Variants in GPA33 observed in about 807,000 individuals in gnomAD.
GPA33 encodes glycoprotein A33.
A neutral mutation model predicts 35.6 loss-of-function variants in GPA33; 27 were observed. The ratio of observed to expected loss-of-function variants is 0.76; its 90% CI spans 0.56 to 1.04. GPA33 has a LOEUF of 1.04. GPA33 is among the 50% of genes least tolerant of loss of function. The pLI is 0.00. For missense variants in GPA33, 428 were observed against 411.9 expected (o/e 1.04, Z -0.34); for synonymous variants, 176 against 164.0 (o/e 1.07, Z -0.56).
At chr1:167,073,236 C>A (rs1666755764) in intron 2 of GPA33, 149 bp downstream of exon 2, 3 of 647,776 alleles carry the variant, frequency 4.6e-6, no homozygotes, top group Non-Finnish European at 8.1e-6. Flanking sequence ...ATGAGCCCAA[C>A]ATTCACTGCT....
rs376202132 is a variant in GPA33 at position 167,063,589 on chromosome 1, G to C, written c.564C>G (p.Ala188=). The C allele has an allele frequency of 1.2e-6, 2 of 1,606,248 alleles. No individual in the cohort carries two copies. The highest frequency in any genetic ancestry group is 3.4e-5 in the Admixed American group (2 of 59,520). The change falls in exon 4 of 7, where the codon GCC becomes GCG. Residue 188 remains alanine (A), a synonymous_variant. Coordinates refer to ENST00000367868, the MANE Select transcript of GPA33 (RefSeq NM_005814.3). Reference sequence around the variant, plus strand: ...TCCCTACTGCCCCCTTACCTGGCTGGGCCAGGGGCTGCTCCTGATTCAGGA... The same window carrying C: ...TCCCTACTGCCCCCTTACCTGGCTGCGCCAGGGGCTGCTCCTGATTCAGGA... ...YNILNQEQPL[A]QPASGQPVSL... is the part of the protein sequence containing the mutation.
chr1:167,060,700 A>G (rs1228916007), intron 4 of GPA33, among the ~76,000 whole-genome samples: 2 of 152,254 alleles, frequency 1.3e-5, no homozygotes, highest in Admixed American at 1.3e-4. Context: ...CTGTGGAGGC[A>G]GGAGAGAACT....
At chr1:167,067,307 T>TA (rs1666620284) in intron 3 of GPA33, among the ~76,000 whole-genome samples, 1 of 151,874 alleles carries the variant, frequency 6.6e-6, no homozygotes, top group African/African-American at 2.4e-5. Flanking sequence ...TTTATTTATT[T>TA]TGTAGAGAGG....
At chr1:167,066,253 G>A (rs1666590516) in intron 3 of GPA33, among the ~76,000 whole-genome samples, 1 of 152,152 alleles carries the variant, frequency 6.6e-6, no homozygotes, top group Non-Finnish European at 1.5e-5. Context: ...AAGACAAAAA[G>A]GGAAGAAAAG....
intron 4 of GPA33, among the ~76,000 whole-genome samples, chr1:167,061,298 C>A (rs778845251): frequency 6.6e-6 from 1 of 152,186 alleles, no homozygotes; most frequent in African/African-American, 2.4e-5. Flanking sequence ...CCACCTGTAA[C>A]CTTCAGCTTT....
intron 1 of GPA33, among the ~76,000 whole-genome samples, chr1:167,088,661 C>T (rs1016758358): frequency 8.5e-5 from 13 of 152,216 alleles, no homozygotes; most frequent in Admixed American, 2.0e-4. Flanking sequence ...TTCAGAGTTA[C>T]GGCCACTTTT....
At chr1:167,082,244 C>A (rs1666964480) in intron 1 of GPA33, 1 of 456,008 alleles carries the variant, frequency 2.2e-6, no homozygotes, top group Non-Finnish European at 4.4e-6. Context: ...ATAACAGTTA[C>A]CTGTGGATTC....
intron 4 of GPA33, among the ~76,000 whole-genome samples, chr1:167,056,860 T>TAA (rs1666312394): frequency 2.0e-5 from 1 of 50,942 alleles, no homozygotes; most frequent in Admixed American, 2.1e-4. Flanking sequence ...GTGTGTGGTG[T>TAA]GTGTGTGGTG....
intron 3 of GPA33, among the ~76,000 whole-genome samples, chr1:167,067,954 G>A (rs377069863): frequency 6.6e-6 from 1 of 152,060 alleles, no homozygotes. Context: ...TAGGGGGTAG[G>A]GTGGAAGGAG....
intron 1 of GPA33, among the ~76,000 whole-genome samples, chr1:167,078,050 A>G (rs977090470): frequency 6.6e-6 from 1 of 152,194 alleles, no homozygotes; most frequent in African/African-American, 2.4e-5. Context: ...ACAGTCAGGG[A>G]AAAGTGCTAA....
intron 3 of GPA33, among the ~76,000 whole-genome samples, chr1:167,064,903 G>C (rs957856719): frequency 2.6e-5 from 4 of 152,178 alleles, no homozygotes; most frequent in African/African-American, 7.2e-5. Flanking sequence ...GGACTGAGGG[G>C]ACTCGAGCAG....
chr1:167,069,476 C>T (rs1666673088), intron 2 of GPA33, among the ~76,000 whole-genome samples: 1 of 152,236 alleles, frequency 6.6e-6, no homozygotes, highest in Non-Finnish European at 1.5e-5. Flanking sequence ...TCTCCATAGC[C>T]TATCCTCACT....
chr1:167,073,586 A>G (rs768861629), intron 1 of GPA33, 47 bp from the exon 2 acceptor site: 75 of 1,536,512 alleles, frequency 4.9e-5, no homozygotes, highest in Non-Finnish European at 6.2e-5. Context: ...CGACACGGAC[A>G]GACATACCCA....
At chr1:167,075,422 C>T (rs566937492) in intron 1 of GPA33, among the ~76,000 whole-genome samples, 25 of 152,226 alleles carry the variant, frequency 1.6e-4, no homozygotes, top group Non-Finnish European at 3.1e-4. Flanking sequence ...CTGCAGGCTA[C>T]ATTTGGCGTG....
Position 167,054,346 on chromosome 1 carries a change from G to C in GPA33, c.948C>G (p.His316Gln). Residue 316 changes from histidine to glutamine, a missense_variant, in exon 7 of 7, where the codon CAC becomes CAG. By Grantham distance (24) the His-to-Gln change is conservative. Coordinates refer to ENST00000367868, the MANE Select transcript of GPA33 (RefSeq NM_005814.3). ...QRSTGRESPD[H>Q]LDQ The stretch of plus-strand genomic sequence containing the variant: ...TGCTGCTGGCCTGTCACTGGTCGAG[G>C]TGGTCCGGGGATTCACGCCCAGTGC... 4 of 1,614,100 alleles carry C rather than the reference G, an allele frequency of 2.5e-6. No homozygotes were observed. Among genetic ancestry groups the C allele is most frequent in the Non-Finnish European group, 3.4e-6 (4 of 1,180,004 alleles).
intron 3 of GPA33, among the ~76,000 whole-genome samples, chr1:167,065,468 A>T (rs1666570789): frequency 6.6e-6 from 1 of 152,168 alleles, no homozygotes; most frequent in Admixed American, 6.5e-5. Context: ...TGCTCCTGGA[A>T]TCCCTAGGTG....
intron 1 of GPA33, among the ~76,000 whole-genome samples, chr1:167,082,065 T>C (rs955741849): frequency 2.6e-5 from 4 of 152,070 alleles, no homozygotes; most frequent in Non-Finnish European, 4.4e-5. Flanking sequence ...GGAAGGCTTA[T>C]TGAGGAGGTA....
intron 1 of GPA33, among the ~76,000 whole-genome samples, chr1:167,083,672 C>T (rs1452478135): frequency 6.6e-6 from 1 of 152,016 alleles, no homozygotes; most frequent in African/African-American, 2.4e-5. Context: ...GAGAGGGTGC[C>T]CTGAGGAAGG....
intron 4 of GPA33, among the ~76,000 whole-genome samples, chr1:167,060,228 A>C (rs1040695385): frequency 1.1e-4 from 17 of 152,130 alleles, no homozygotes; most frequent in Non-Finnish European, 1.5e-4. Context: ...ACACACCACC[A>C]TGCCAGGCTA....
Sources: gnomAD v4.1 joint callset for allele counts (sites outside exome capture counted in the v4.1 genomes callset) on GRCh38, gnomAD v4.1.1 for gene constraint, MANE v1.5 for transcripts, NCBI Gene and HGNC (gene_info 2026-07-23, HGNC 2026-07-21) for gene names.